Variants in SGCD observed in about 807,000 individuals in gnomAD.
SGCD encodes the protein sarcoglycan delta.
A neutral mutation model predicts 36.6 loss-of-function variants in SGCD; 18 were observed. The observed-to-expected ratio is 0.49, with a 90% confidence interval of 0.34 to 0.73. SGCD has a LOEUF of 0.73. SGCD is among the 30% of genes least tolerant of loss of function. SGCD has a pLI of 0.01. For missense variants in SGCD, 387 were observed against 346.7 expected, an observed-to-expected ratio of 1.12 and a Z score of -0.92; for synonymous variants, 133 against 130.6, an observed-to-expected ratio of 1.02 and a Z score of -0.12.
At chr5:156,700,679 C>T (rs1025050603) in intron 7 of SGCD, among the ~76,000 whole-genome samples, 3 of 152,126 alleles carry the variant, frequency 2.0e-5, no homozygotes, top group Non-Finnish European at 4.4e-5. Flanking sequence ...CATGGTGGCT[C>T]ACACCTGTAA....
At chr5:155,844,199 C>A in the SGCD span, among the ~76,000 whole-genome samples, 5 of 152,148 alleles carry the variant, frequency 3.3e-5, no homozygotes, top group Non-Finnish European at 7.3e-5. Context: ...CTTCTCTGCA[C>A]AGAGACACAC....
chr5:156,192,161 G>A (rs747623347), intron 3 of SGCD, among the ~76,000 whole-genome samples: 6 of 152,050 alleles, frequency 3.9e-5, no homozygotes, highest in Non-Finnish European at 7.4e-5. Flanking sequence ...CTTCCAAAAG[G>A]AGTCATCTTA....
At chr5:155,742,034 AG>A in the SGCD span, among the ~76,000 whole-genome samples, 1 of 152,102 alleles carries the variant, frequency 6.6e-6, no homozygotes, top group East Asian at 1.9e-4. Context: ...GGCTGAGAAG[AG>A]GGCTCCATTC....
intron 3 of SGCD, among the ~76,000 whole-genome samples, chr5:156,151,777 T>A (rs903791048): frequency 9.2e-5 from 14 of 151,578 alleles, no homozygotes; most frequent in Admixed American, 9.2e-4. Context: ...AGGATTTTTT[T>A]AAGATACAGC....
chr5:156,563,468 G>A (rs1047358848), intron 4 of SGCD, among the ~76,000 whole-genome samples: 1 of 152,192 alleles, frequency 6.6e-6, no homozygotes, highest in South Asian at 2.1e-4. Flanking sequence ...TGGGTCTGAC[G>A]CTGGAGCTTT....
In SGCD at chr5:156,482,573, G is replaced by A. The variant is rs74700778; in HGVS notation, c.193-26028G>A. Among the ~76,000 whole-genome samples the A allele has an allele frequency of 5.2e-3, 790 of 152,154 alleles. 6 individuals carry two copies. Among genetic ancestry groups the A allele is most frequent in the African/African-American group, 0.018 (734 of 41,522 alleles). On this transcript the variant is annotated intron_variant, in intron 3 of 8. Coordinates refer to ENST00000337851, the MANE Select transcript of SGCD (RefSeq NM_000337.6). ...CTAACTAGGCTTTGATAGATAAGAA[G>A]CTCTATGTTCTCTTTAGAAAAATGA...
intron 6 of SGCD, among the ~76,000 whole-genome samples, chr5:156,628,798 G>T (rs145014300): frequency 2.0e-4 from 30 of 152,338 alleles, no homozygotes; most frequent in African/African-American, 6.5e-4. Flanking sequence ...ATGGGTGTCT[G>T]TGTGACTGAA....
rs1430163270 is a variant in SGCD at position 156,767,616 on chromosome 5, C to T, written c.*8226C>T. The T allele has an allele frequency of 6.6e-6, 1 of 151,852 alleles. No homozygotes were observed. Among genetic ancestry groups the T allele is most frequent in the Admixed American group, 6.6e-5 (1 of 15,210 alleles). 9.4% of individuals were successfully genotyped at this position (151,852 alleles called of 1,614,324 possible). On this transcript the variant is annotated 3_prime_UTR_variant, in exon 9 of 9. Transcript: ENST00000337851. Reference sequence around the variant, plus strand: ...TTTTTAGTTTTGTTTTGAATAACATCAATCCTTGCACACTCTATGCAAAAA... The same window carrying T: ...TTTTTAGTTTTGTTTTGAATAACATTAATCCTTGCACACTCTATGCAAAAA...
chr5:155,990,247 A>G (rs1009133176), intron 1 of SGCD, among the ~76,000 whole-genome samples: 3 of 152,202 alleles, frequency 2.0e-5, no homozygotes, highest in Non-Finnish European at 4.4e-5. Context: ...TGTTTTGTAC[A>G]AAAACATACC....
intron 3 of SGCD, among the ~76,000 whole-genome samples, chr5:156,280,745 G>A (rs1031708385): frequency 2.6e-5 from 4 of 152,168 alleles, no homozygotes; most frequent in Non-Finnish European, 4.4e-5. Flanking sequence ...AGTCCACAGA[G>A]GGGGAAAGTT....
At position 156,762,992 on chromosome 5, in the gene SGCD, T is replaced by C. The variant is rs1757524952; in HGVS notation, c.*3602T>C. On this transcript the variant is annotated 3_prime_UTR_variant, in exon 9 of 9. Coordinates refer to ENST00000337851, the MANE Select transcript of SGCD (RefSeq NM_000337.6). ...TGTGGAAAGCCTGCCTTCCAAGACA[T>C]GTGGAAGTAATTGATCCACCTGCCA... 6.6e-6 allele frequency: 1 copy of C among 152,408 alleles called. No homozygotes were observed. Among genetic ancestry groups the C allele is most frequent in the African/African-American group, 2.4e-5 (1 of 41,446 alleles). 9.4% of individuals were successfully genotyped at this position (152,408 alleles called of 1,614,324 possible).
At chr5:156,423,639 G>A (rs1239365289) in intron 3 of SGCD, among the ~76,000 whole-genome samples, 3 of 151,112 alleles carry the variant, frequency 2.0e-5, no homozygotes, top group African/African-American at 2.4e-5. Context: ...AATGTTAAAC[G>A]GAAGGAGGGA....
At chr5:156,636,925 C>T (rs926008528) in intron 6 of SGCD, among the ~76,000 whole-genome samples, 2 of 152,122 alleles carry the variant, frequency 1.3e-5, no homozygotes, top group Non-Finnish European at 2.9e-5. Flanking sequence ...ACAAAATTCT[C>T]TTAAGGGGTC....
At chr5:156,533,324 C>G (rs767262379) in intron 4 of SGCD, among the ~76,000 whole-genome samples, 2 of 152,064 alleles carry the variant, frequency 1.3e-5, no homozygotes, top group Non-Finnish European at 2.9e-5. Context: ...CTGTCCGTAC[C>G]TTTTGTTAGA....
intron 7 of SGCD, among the ~76,000 whole-genome samples, chr5:156,689,582 T>C (rs1275765083): frequency 2.0e-5 from 3 of 152,098 alleles, no homozygotes; most frequent in Admixed American, 6.6e-5. Context: ...GGAAGCATAA[T>C]CCCTGGATCA....
chr5:156,454,193 A>AACT (rs1754152089), intron 3 of SGCD, among the ~76,000 whole-genome samples: 1 of 152,208 alleles, frequency 6.6e-6, no homozygotes, highest in Non-Finnish European at 1.5e-5. Context: ...TTTGTTTCTC[A>AACT]ACTCCAAGAT....
chr5:156,690,640 A>G (rs971122390), intron 7 of SGCD, among the ~76,000 whole-genome samples: 1 of 152,180 alleles, frequency 6.6e-6, no homozygotes, highest in Non-Finnish European at 1.5e-5. Flanking sequence ...GAAAACAATT[A>G]TAAATAGAAG....
At chr5:156,632,779 C>T (rs1472689862) in intron 6 of SGCD, among the ~76,000 whole-genome samples, 3 of 152,074 alleles carry the variant, frequency 2.0e-5, no homozygotes, top group East Asian at 1.9e-4. Context: ...AGGCCAAGCT[C>T]GGTTAAAGCT....
intron 7 of SGCD, among the ~76,000 whole-genome samples, chr5:156,656,144 T>G (rs1763665691): frequency 6.6e-6 from 1 of 152,158 alleles, no homozygotes; most frequent in African/African-American, 2.4e-5. Flanking sequence ...AATGTCTTTA[T>G]AAAAGAATTC....
Sources: allele counts gnomAD v4.1 joint callset (sites outside exome capture counted in the v4.1 genomes callset), GRCh38; gene constraint gnomAD v4.1.1; transcripts MANE v1.5; gene names NCBI Gene and HGNC (gene_info 2026-07-23, HGNC 2026-07-21).